Variants in PARP6 observed in about 807,000 individuals in gnomAD.
PARP6 encodes poly(ADP-ribose) polymerase family member 6, also known as protein mono-ADP-ribosyltransferase PARP6.
Under a neutral mutation model 92.0 loss-of-function variants are expected in PARP6, and 27 were observed. The ratio of observed to expected loss-of-function variants is 0.29; its 90% CI spans 0.22 to 0.40. The LOEUF is 0.40. PARP6 is among the 10% of genes least tolerant of loss of function. The pLI, the probability that PARP6 is intolerant of heterozygous loss-of-function variation, is 1.00. For synonymous variants in PARP6, 272 were observed against 281.2 expected (o/e 0.97, Z 0.33); for missense variants, 501 against 784.5 (o/e 0.64, Z 4.32).
chr15:72,258,764 T>C (rs2085465250), intron 11 of PARP6, among the ~76,000 whole-genome samples: 1 of 152,248 alleles, frequency 6.6e-6, no homozygotes, highest in Non-Finnish European at 1.5e-5. Context: ...AATGACACCC[T>C]GTCTTAACAT....
chr15:72,265,596 T>C, intron 5 of PARP6, 123 bp from the exon 6 acceptor site: 2 of 780,836 alleles, frequency 2.6e-6, no homozygotes. Context: ...GACAGTTTTG[T>C]ACCTAGGGTC....
At chr15:72,258,932 G>A (rs2085485145) in intron 11 of PARP6, among the ~76,000 whole-genome samples, 1 of 152,190 alleles carries the variant, frequency 6.6e-6, no homozygotes, top group Non-Finnish European at 1.5e-5. Flanking sequence ...AAAATTAAAG[G>A]TTGTTTTCTC....
In PARP6 at chr15:72,254,481, C is replaced by G. The variant is rs755565652; in HGVS notation, c.1165G>C (p.Val389Leu). 1 of 1,613,608 alleles carries G rather than the reference C, an allele frequency of 6.2e-7. No individual in the cohort carries two copies. Among genetic ancestry groups the G allele is most frequent in the Admixed American group, 1.7e-5 (1 of 60,024 alleles). The stretch of plus-strand genomic sequence containing the variant: ...TGGGTCATCTCCCGAATAGACATCA[C>G]ACTATCCAGAGCTTTCTGAAGCCGC... ...YERLQKALDS[V>L]MSIREMTQGS... The change falls in exon 15 of 24, where the codon GTG (valine) becomes CTG (leucine). Residue 389 changes from valine (V) to leucine (L), a missense_variant. Physicochemically the swap from Val to Leu is conservative, Grantham distance 32. This residue lies in a region of PARP6 where 191 missense variants were observed against 399.1 expected (regional missense o/e 0.48). Coordinates refer to ENST00000569795, the MANE Select transcript of PARP6 (RefSeq NM_001323532.2).
chr15:72,271,799 G>A (rs1414730377), intron 1 of PARP6, among the ~76,000 whole-genome samples: 1 of 152,194 alleles, frequency 6.6e-6, no homozygotes, highest in East Asian at 1.9e-4. Context: ...TATGATGAGT[G>A]TCCAGAGAAG....
intron 11 of PARP6, among the ~76,000 whole-genome samples, 172 bp from the exon 12 acceptor site, chr15:72,258,304 T>C (rs749345733): frequency 1.3e-5 from 2 of 152,226 alleles, no homozygotes; most frequent in Non-Finnish European, 2.9e-5. Context: ...GAGCTAAGAC[T>C]GTATGGTATA....
At chr15:72,267,182 T>G (rs2086711471) in intron 3 of PARP6, 1 of 537,992 alleles carries the variant, frequency 1.9e-6, no homozygotes, top group African/African-American at 1.9e-5. Flanking sequence ...CAAGCTGGCC[T>G]CTTCCAGGAT....
Position 72,242,320 on chromosome 15 carries a change from TA to T in PARP6, c.1642-101del. The T allele has an allele frequency of 1.1e-6, 1 of 936,442 alleles. No homozygotes were observed. Among genetic ancestry groups the T allele is most frequent in the Non-Finnish European group, 1.7e-6 (1 of 583,566 alleles). The allele number at this position is 936,442 out of a possible 1,614,324, so 58.0% of individuals were successfully genotyped here. A position where few individuals can be genotyped will look rare whatever the true frequency, so the allele number is the denominator to read the frequency against. On this transcript the variant is annotated intron_variant, in intron 21 of 23. Coordinates refer to ENST00000569795, the MANE Select transcript of PARP6 (RefSeq NM_001323532.2). This position sits in a 1 kb window ranked among gnomAD's most constrained non-coding sequence, Gnocchi z 4.3. ...GATGATTGGGAGTGGGGATCAGAGA[TA>T]TCCTGGGCTCCCAGCAACACCCCTC...
At chr15:72,253,129 C>T (rs994380852) in intron 16 of PARP6, among the ~76,000 whole-genome samples, 2 of 148,816 alleles carry the variant, frequency 1.3e-5, no homozygotes, top group African/African-American at 5.0e-5. Context: ...GAACCATGAT[C>T]GCACCACTGC....
At position 72,241,921 on chromosome 15, in the gene PARP6, G is replaced by A. The variant is rs762032065; in HGVS notation, c.1770C>T (p.Val590=). 6.2e-7 allele frequency: 1 copy of A among 1,613,162 alleles called. No individual in the cohort carries two copies. The highest frequency in any genetic ancestry group is 8.5e-7 in the Non-Finnish European group (1 of 1,179,086). Residue 590 remains valine, a synonymous_variant, in exon 23 of 24, where the codon GTC becomes GTT. Transcript: ENST00000569795. This position sits in a 1 kb window ranked among gnomAD's most constrained non-coding sequence, Gnocchi z 4.1. ...NIWVCPVSDH[V]CTRFFFVYED... is the part of the protein sequence containing the mutation. ...CTTACACAAAGAAGAATCTTGTGCA[G>A]ACATGGTCGGACACAGGGCACACCC...
chr15:72,261,699 C>T lies in PARP6; in HGVS notation c.404G>A (p.Gly135Asp). 2 of 1,613,760 alleles carry T rather than the reference C, an allele frequency of 1.2e-6. No homozygotes were observed. Among genetic ancestry groups the T allele is most frequent in the Non-Finnish European group, 1.7e-6 (2 of 1,179,862 alleles). The change falls in exon 9 of 24, where the codon GGT becomes GAT. Residue 135 changes from glycine to aspartate, a missense_variant. Gly to Asp is a moderately conservative substitution (Grantham distance 94). Transcript: ENST00000569795. Reference sequence around the variant, plus strand: ...TTTCCATTGTTGGGATGTAAACATACCCAGGATCCTGAGGGATCAAAAAGA... The same window carrying T: ...TTTCCATTGTTGGGATGTAAACATATCCAGGATCCTGAGGGATCAAAAAGA... ...GLGLQLKKIL[G>D]MFTSQQWKHL...
chr15:72,259,738 A>G (rs2085610282), intron 10 of PARP6, 77 bp from the exon 11 acceptor site: 6 of 1,226,352 alleles, frequency 4.9e-6, no homozygotes, highest in African/African-American at 1.5e-5. Context: ...CTTGCCTATC[A>G]CCTAGGACTC....
chr15:72,257,157 G>A (rs2085250375), intron 13 of PARP6, among the ~76,000 whole-genome samples, 191 bp downstream of exon 13: 1 of 152,010 alleles, frequency 6.6e-6, no homozygotes, highest in South Asian at 2.1e-4. Context: ...CTACTCTAAC[G>A]ATATCCCATA....
chr15:72,249,131 A>G (rs1596956184), intron 20 of PARP6, 114 bp downstream of exon 20: 1 of 519,312 alleles, frequency 1.9e-6, no homozygotes, highest in East Asian at 2.9e-5. Flanking sequence ...GATCGGGGAG[A>G]GAGCTGACAC....
Position 72,260,733 on chromosome 15 carries a change from T to A in PARP6, c.546-45A>T, listed in dbSNP as rs183432088. 2.0e-6 allele frequency: 3 copies of A among 1,468,736 alleles called. No individual in the cohort carries two copies. The Admixed American group carries it at 5.0e-5, about 25-fold the overall frequency. 91.0% of individuals were successfully genotyped at this position (1,468,736 alleles called of 1,614,324 possible). On this transcript the variant is annotated intron_variant, in intron 9 of 23. Transcript: ENST00000569795. ...AGAAGTGATAAAACTGGGGATTTCA[T>A]AGGATCCCTGGAGGGGACTGGAGAT...
rs759967216 is a variant in PARP6, at chr15:72,256,594, A to C, written c.1000-4T>G. 12 of 1,533,958 alleles carry C rather than the reference A, an allele frequency of 7.8e-6. No homozygotes were observed. In the South Asian group the frequency reaches 1.4e-4, roughly 18 times the overall value. ...TGGCCACCAGCAGATCCACCACCTT[A>C]GGGGAAAGGAAAAAAAACAGGGCAG... On this transcript the variant is annotated splice_polypyrimidine_tract_variant and splice_region_variant and intron_variant, in intron 13 of 23. Coordinates refer to ENST00000569795, the MANE Select transcript of PARP6 (RefSeq NM_001323532.2).
At chr15:72,265,205 C>G in intron 6 of PARP6, 34 bp from the exon 7 acceptor site, 2 of 1,480,016 alleles carry the variant, frequency 1.4e-6, no homozygotes, top group Non-Finnish European at 1.9e-6. Flanking sequence ...TCCAGTTTAG[C>G]AACATAGACG....
chr15:72,260,855 T>G (rs1361083238), intron 9 of PARP6, among the ~76,000 whole-genome samples, 167 bp from the exon 10 acceptor site: 2 of 152,176 alleles, frequency 1.3e-5, no homozygotes, highest in African/African-American at 4.8e-5. Context: ...AACAAGTAGA[T>G]CACACATCTG....
Position 72,260,499 on chromosome 15 carries a change from G to C in PARP6, c.735C>G (p.Pro245=), listed in dbSNP as rs747694030. 12 of 1,613,984 alleles carry C rather than the reference G, an allele frequency of 7.4e-6. No individual in the cohort carries two copies. The South Asian group carries it at 1.2e-4, about 16-fold the overall frequency. ...LLCPQHVGLP[P]PARTSPLVSG... ...GTACCAAAGGAGAGGTCCGTGCTGG[G>C]GGAGGGAGGCCCACGTGCTGAGGGC... The change falls in exon 10 of 24, where the codon CCC becomes CCG. Residue 245 remains proline (P), a synonymous_variant. Transcript: ENST00000569795.
At chr15:72,246,275 G>A (rs900904538) in intron 20 of PARP6, among the ~76,000 whole-genome samples, 3 of 152,092 alleles carry the variant, frequency 2.0e-5, no homozygotes, top group Non-Finnish European at 2.9e-5. Context: ...TCAGCCTCCC[G>A]AGTAGCTGGG....
Sources: gnomAD v4.1 joint callset for allele counts (sites outside exome capture counted in the v4.1 genomes callset) on GRCh38, gnomAD v4.1.1 for gene constraint, gnomAD v4.1.1 regional missense constraint, Gnocchi (gnomAD v3.1) non-coding constraint, MANE v1.5 for transcripts, NCBI Gene and HGNC (gene_info 2026-07-23, HGNC 2026-07-21) for gene names.